The following DCP2 variants were observed in gnomAD, a reference collection of about 807,000 sequenced individuals.
DCP2 encodes the protein decapping mRNA 2.
In DCP2, 30 loss-of-function variants were observed where a neutral mutation model predicts 56.1. That is an observed-to-expected ratio of 0.53 (90% CI 0.40 to 0.73). The LOEUF is 0.73. Ranked by LOEUF, DCP2 falls within the 30% of genes least tolerant of loss-of-function variation. DCP2 has a pLI of 0.00. For missense variants in DCP2, 533 were observed against 502.7 expected, an observed-to-expected ratio of 1.06 and a Z score of -0.58; for synonymous variants, 197 against 163.3, an observed-to-expected ratio of 1.21 and a Z score of -1.57.
intron 2 of DCP2, among the ~76,000 whole-genome samples, chr5:112,990,022 A>G (rs1460963250): frequency 1.3e-5 from 2 of 152,174 alleles, no homozygotes; most frequent in East Asian, 3.9e-4. Context: ...CTGAAAAATA[A>G]GGTTACTAAT....
chr5:112,983,212 C>G (rs1748092861), intron 1 of DCP2, among the ~76,000 whole-genome samples: 1 of 152,136 alleles, frequency 6.6e-6, no homozygotes, highest in Admixed American at 6.5e-5. Flanking sequence ...AAACACATTT[C>G]TTACATAGAG....
intron 8 of DCP2, among the ~76,000 whole-genome samples, chr5:113,007,384 C>A (rs1287304563): frequency 6.9e-6 from 1 of 145,682 alleles, no homozygotes. Context: ...AGATTTCTTT[C>A]TTTCTTTCTT....
rs1219868452 is a variant in DCP2 at position 113,001,073 on chromosome 5, G to A, written c.433-11G>A. On this transcript the variant is annotated splice_polypyrimidine_tract_variant and intron_variant, in intron 4 of 10. Transcript: ENST00000389063. ...TAAAATGAAAATTTCATCCAAATTT[G>A]TTGTTTCCAGGTCTTTGAAGAAACT... 2 of 1,571,098 alleles carry A rather than the reference G, an allele frequency of 1.3e-6. No homozygotes were observed. Among genetic ancestry groups the A allele is most frequent in the Middle Eastern group, 2.0e-4 (1 of 5,116 alleles).
chr5:113,002,354 C>T (rs1749218801), intron 7 of DCP2, among the ~76,000 whole-genome samples: 1 of 149,074 alleles, frequency 6.7e-6, no homozygotes, highest in Admixed American at 6.7e-5. Flanking sequence ...ACCTGGGAGG[C>T]GGAGGTTTCA....
intron 8 of DCP2, among the ~76,000 whole-genome samples, chr5:113,004,302 A>G (rs1188571993): frequency 2.0e-5 from 3 of 152,222 alleles, no homozygotes; most frequent in Non-Finnish European, 4.4e-5. Context: ...ACTTTTGTGT[A>G]TATGCTGCCA....
At chr5:113,004,111 T>G in intron 8 of DCP2, 34 bp downstream of exon 8, 1 of 1,595,032 alleles carries the variant, frequency 6.3e-7, no homozygotes, top group Non-Finnish European at 8.5e-7. Context: ...TTTTCAGAAA[T>G]TTAGATCATT....
At chr5:112,983,640 C>T (rs533614544) in intron 1 of DCP2, among the ~76,000 whole-genome samples, 1 of 151,972 alleles carries the variant, frequency 6.6e-6, no homozygotes, top group African/African-American at 2.4e-5. Context: ...AAAATAGACA[C>T]TGCAAAATTT....
At chr5:113,008,717 C>G (rs990799050) in intron 9 of DCP2, among the ~76,000 whole-genome samples, 2 of 152,160 alleles carry the variant, frequency 1.3e-5, no homozygotes, top group Non-Finnish European at 2.9e-5. Flanking sequence ...ACTCATTTGA[C>G]TACTTTACCT....
chr5:112,976,904 G>A lies in DCP2; in HGVS notation c.-30G>A. ...TCAGTCCCCGGCCGCGCGGAGCCGG[G>A]ATGCACTGTTCCTGCTGTGGGTCCT... On this transcript the variant is annotated 5_prime_UTR_variant, in exon 1 of 11. Transcript: ENST00000389063. The A allele has an allele frequency of 1.2e-6, 2 of 1,613,418 alleles. No individual in the cohort carries two copies. The highest frequency in any genetic ancestry group is 1.1e-5 in the South Asian group (1 of 91,064).
At chr5:113,003,809 A>G (rs529565570) in intron 7 of DCP2, 133 bp from the exon 8 acceptor site, 3 of 1,018,024 alleles carry the variant, frequency 2.9e-6, no homozygotes, top group Non-Finnish European at 4.4e-6. Context: ...CTGCTCTCAT[A>G]GAACTTACAT....
intron 4 of DCP2, among the ~76,000 whole-genome samples, chr5:113,000,117 G>C (rs1435208877): frequency 6.6e-6 from 1 of 151,340 alleles, no homozygotes; most frequent in Non-Finnish European, 1.5e-5. Flanking sequence ...ACCATGCCAG[G>C]CTAATTTTTA....
In DCP2 at chr5:113,014,992, CTATT is replaced by C. The variant is rs1455526526; in HGVS notation, c.*1513_*1516del. ...ATGGCTTGATTTTAAAGGAGAAATTCTATTTATTAATGAAAGTGTCACCCTTTTG... is the reference window on the plus strand; with the variant it reads ...ATGGCTTGATTTTAAAGGAGAAATTCTATTAATGAAAGTGTCACCCTTTTG... On this transcript the variant is annotated 3_prime_UTR_variant, in exon 11 of 11. Coordinates refer to ENST00000389063, the MANE Select transcript of DCP2 (RefSeq NM_152624.6). The C allele has an allele frequency of 6.6e-6, 1 of 152,550 alleles. No individual in the cohort carries two copies. Among genetic ancestry groups the C allele is most frequent in the Admixed American group, 6.5e-5 (1 of 15,276 alleles). The allele number at this position is 152,550 out of a possible 1,614,324, so 9.4% of individuals were successfully genotyped here. A position where few individuals can be genotyped will look rare whatever the true frequency, so the allele number is the denominator to read the frequency against.
At chr5:113,010,032 C>T (rs1197679905) in intron 9 of DCP2, among the ~76,000 whole-genome samples, 1 of 136,640 alleles carries the variant, frequency 7.3e-6, no homozygotes, top group African/African-American at 2.7e-5. Context: ...CTTGCCTCAG[C>T]TCTTTTTTTT....
intron 8 of DCP2, 112 bp from the exon 9 acceptor site, chr5:113,007,826 A>G: frequency 2.3e-6 from 2 of 859,212 alleles, no homozygotes; most frequent in South Asian, 2.0e-5. Context: ...TTTGGGTAGG[A>G]GAAGCTTTGC....
chr5:112,997,116 C>T (rs1748896875), intron 4 of DCP2, among the ~76,000 whole-genome samples: 2 of 152,180 alleles, frequency 1.3e-5, no homozygotes, highest in Admixed American at 1.3e-4. Context: ...TTTTTCTCCA[C>T]ATATCTTGAA....
At chr5:112,977,549 T>A (rs960678744) in intron 1 of DCP2, among the ~76,000 whole-genome samples, 1 of 152,180 alleles carries the variant, frequency 6.6e-6, no homozygotes, top group African/African-American at 2.4e-5. Context: ...TTTTTTCTCA[T>A]CCCTGGACTT....
At chr5:112,992,584 T>A in intron 3 of DCP2, 88 bp from the exon 4 acceptor site, 1 of 962,092 alleles carries the variant, frequency 1.0e-6, no homozygotes, top group Admixed American at 3.0e-5. Context: ...AACAGTTACC[T>A]CAAGTAAGGA....
chr5:113,008,053 T>C lies in DCP2; in HGVS notation c.1047+11T>C, dbSNP rs368072132. ...CAGAATTCTTTGATGGTAAGAGTTA[T>C]AGCTGTCACACTAAGTAGGCAGTTC... On this transcript the variant is annotated intron_variant, in intron 9 of 10. Transcript: ENST00000389063. 4.2e-5 allele frequency: 68 copies of C among 1,607,580 alleles called. No homozygotes were observed. Among genetic ancestry groups the C allele is most frequent in the Admixed American group, 6.7e-5 (4 of 59,768 alleles).
At chr5:112,993,887 TACAC>T (rs1025965787) in intron 4 of DCP2, among the ~76,000 whole-genome samples, 145 of 151,994 alleles carry the variant, frequency 9.5e-4, no homozygotes, top group Non-Finnish European at 2.6e-4. Context: ...TATGAACACA[TACAC>T]ATACAATTAT....
Sources: gnomAD v4.1 joint callset for allele counts (sites outside exome capture counted in the v4.1 genomes callset) on GRCh38, gnomAD v4.1.1 for gene constraint, MANE v1.5 for transcripts, NCBI Gene and HGNC (gene_info 2026-07-23, HGNC 2026-07-21) for gene names.